RAP1GAP2: variants seen among roughly 807,000 people sequenced by gnomAD.
RAP1GAP2 encodes RAP1 GTPase activating protein 2.
A neutral mutation model predicts 95.0 loss-of-function variants in RAP1GAP2; 27 were observed. That is an observed-to-expected ratio of 0.28 (90% CI 0.21 to 0.39). The LOEUF (loss-of-function observed/expected upper bound fraction) is 0.39, where lower values mean the gene tolerates loss of function less well. Ranked by LOEUF, RAP1GAP2 falls within the 10% of genes least tolerant of loss-of-function variation. RAP1GAP2 has a pLI of 1.00. For synonymous variants in RAP1GAP2, 373 were observed against 380.9 expected (o/e 0.98, Z 0.24); for missense variants, 771 against 970.0 (o/e 0.79, Z 2.72).
At chr17:2,800,994 C>T (rs2069269236) in intron 2 of RAP1GAP2, among the ~76,000 whole-genome samples, 1 of 151,146 alleles carries the variant, frequency 6.6e-6, no homozygotes, top group Non-Finnish European at 1.5e-5. Flanking sequence ...GGATTACAGG[C>T]GCCCACCACC....
chr17:2,879,239 C>CTT (rs2073202157), intron 2 of RAP1GAP2, among the ~76,000 whole-genome samples: 7 of 152,018 alleles, frequency 4.6e-5, no homozygotes, highest in African/African-American at 1.7e-4. Context: ...CCTCGGCCTC[C>CTT]CAAGTATCTA....
intron 14 of RAP1GAP2, among the ~76,000 whole-genome samples, chr17:2,999,005 C>T (rs1349048326): frequency 2.0e-5 from 3 of 152,074 alleles, no homozygotes; most frequent in African/African-American, 7.2e-5. Context: ...TGGGTAAGGC[C>T]CTGGCCTGGC....
intron 3 of RAP1GAP2, among the ~76,000 whole-genome samples, chr17:2,955,517 C>T (rs148078800): frequency 7.9e-5 from 12 of 152,262 alleles, no homozygotes; most frequent in Non-Finnish European, 1.6e-4. Flanking sequence ...TGTAGAGACA[C>T]GTCCTTTATC....
chr17:2,915,212 A>C (rs1342429092), intron 3 of RAP1GAP2, among the ~76,000 whole-genome samples: 4 of 152,006 alleles, frequency 2.6e-5, no homozygotes, highest in Non-Finnish European at 5.9e-5. Context: ...TTGAGCCACC[A>C]TTTCTGGCCC....
At chr17:2,869,117 C>T (rs928922737) in intron 2 of RAP1GAP2, among the ~76,000 whole-genome samples, 9 of 152,130 alleles carry the variant, frequency 5.9e-5, no homozygotes, top group Admixed American at 2.0e-4. Context: ...AATCACCTCC[C>T]AAAGGCCCCT....
intron 2 of RAP1GAP2, among the ~76,000 whole-genome samples, chr17:2,847,915 T>C (rs190138062): frequency 1.3e-5 from 2 of 152,352 alleles, no homozygotes. Context: ...TTTTGAATTT[T>C]TTCACTGTGG....
chr17:2,945,024 C>T (rs1341408194), intron 3 of RAP1GAP2, among the ~76,000 whole-genome samples: 1 of 152,100 alleles, frequency 6.6e-6, no homozygotes, highest in Admixed American at 6.5e-5. Flanking sequence ...CAGGCGCCCG[C>T]CACCACGCCC....
At chr17:2,948,577 G>C (rs1160737992) in intron 3 of RAP1GAP2, among the ~76,000 whole-genome samples, 1 of 145,590 alleles carries the variant, frequency 6.9e-6, no homozygotes, top group Non-Finnish European at 1.5e-5. Flanking sequence ...TCCTGGACTC[G>C]GGTGCAACAA....
At chr17:2,839,809 T>C (rs1365466706) in intron 2 of RAP1GAP2, among the ~76,000 whole-genome samples, 1 of 152,028 alleles carries the variant, frequency 6.6e-6, no homozygotes, top group South Asian at 2.1e-4. Flanking sequence ...CTTTTTTTAA[T>C]TTTTTTTGAG....
chr17:2,963,254 G>C lies in RAP1GAP2; in HGVS notation c.247-176G>C. ...GTTTATGTTTGGGTTCTGTCAGTTT[G>C]GAGAAGAACATGGGGGATGTTAGAT... On this transcript the variant is annotated intron_variant, in intron 5 of 24. Coordinates refer to ENST00000254695, the MANE Select transcript of RAP1GAP2 (RefSeq NM_015085.5). The surrounding 1 kb of genome is among the most constrained non-coding windows in gnomAD (Gnocchi z 4.8). The C allele has an allele frequency of 1.4e-6, 1 of 740,628 alleles. No homozygotes were observed. The highest frequency in any genetic ancestry group is 2.6e-5 in the East Asian group (1 of 38,512). The allele number at this position is 740,628 out of a possible 1,614,324, so 45.9% of individuals were successfully genotyped here. A position where few individuals can be genotyped will look rare whatever the true frequency, so the allele number is the denominator to read the frequency against.
intron 2 of RAP1GAP2, among the ~76,000 whole-genome samples, chr17:2,873,098 G>A (rs1417223774): frequency 2.0e-5 from 3 of 146,442 alleles, no homozygotes; most frequent in African/African-American, 7.6e-5. Context: ...CTGAGACTTT[G>A]TCTGAAAAAA....
At position 2,825,657 on chromosome 17, in the gene RAP1GAP2, T is replaced by A. The variant is rs1194391709; in HGVS notation, c.80+25107T>A. On this transcript the variant is annotated intron_variant, in intron 2 of 24. Transcript: ENST00000254695. This position sits in a 1 kb window ranked among gnomAD's most constrained non-coding sequence, Gnocchi z 4.1. ...GAGCGTCCCTGTCTCACAGGGATGT[T>A]TGAGGATGAAATGAGCTAACATAGG... Among the ~76,000 whole-genome samples the A allele has an allele frequency of 6.6e-6, 1 of 151,998 alleles. No homozygotes were observed. Among genetic ancestry groups the A allele is most frequent in the Non-Finnish European group, 1.5e-5 (1 of 68,010 alleles).
intron 2 of RAP1GAP2, chr17:2,853,997 T>A: frequency 1.0e-6 from 1 of 984,408 alleles, no homozygotes; most frequent in Non-Finnish European, 1.2e-6. Flanking sequence ...GGCCTCGCCA[T>A]GTCCCAGCCC....
chr17:2,938,044 G>A (rs1339685938), intron 3 of RAP1GAP2, among the ~76,000 whole-genome samples: 1 of 152,182 alleles, frequency 6.6e-6, no homozygotes, highest in Non-Finnish European at 1.5e-5. Context: ...GGCAGGAGCA[G>A]GGAGCGAGCA....
In RAP1GAP2 at chr17:2,869,837, G is replaced by A. The variant is rs1336455679; in HGVS notation, c.81-35447G>A. Among the ~76,000 whole-genome samples the A allele has an allele frequency of 3.3e-5, 5 of 152,200 alleles. No homozygotes were observed. In the South Asian group the frequency reaches 6.2e-4, roughly 19 times the overall value. ...CAGCCGTCAGCCAGCACCCTGTGGC[G>A]CTCTCCTAGGAGGCTGATCTGGTGA... On this transcript the variant is annotated intron_variant, in intron 2 of 24. Transcript: ENST00000254695.
rs907011043 is a variant in RAP1GAP2, at chr17:2,927,333, T to C, written c.165+21965T>C. 6.0e-5 allele frequency among the ~76,000 whole-genome samples: 9 copies of C among 151,208 alleles called. 1 individual carries two copies. Among genetic ancestry groups the C allele is most frequent in the Admixed American group, 5.3e-4 (8 of 15,196 alleles). On this transcript the variant is annotated intron_variant, in intron 3 of 24. Coordinates refer to ENST00000254695, the MANE Select transcript of RAP1GAP2 (RefSeq NM_015085.5). ...CGCGCCCGGCTAATTTTTTGTATTT[T>C]TAGTAGAGACGGGGTTTCACCGTGT...
At position 2,768,966 on chromosome 17, in the gene RAP1GAP2, C is replaced by T. The variant is rs542113378; in HGVS notation, c.51-1363C>T. On this transcript the variant is annotated intron_variant, in intron 1 of 25. Transcript: ENST00000637138. ...CCATGGCTAGGCTCAGTGGTGCACT[C>T]CTGTAAACCCAGCACTTTGGGAGGC... Among the ~76,000 whole-genome samples, 27 of 151,108 alleles carry T rather than the reference C, an allele frequency of 1.8e-4. 2 individuals are homozygous for T. The East Asian group carries it at 3.5e-3, about 20-fold the overall frequency.
chr17:2,785,259 A>G (rs1257632617), intron 1 of RAP1GAP2, among the ~76,000 whole-genome samples: 2 of 152,124 alleles, frequency 1.3e-5, no homozygotes, highest in African/African-American at 4.8e-5. Context: ...GGAATGGCAG[A>G]AGGGCTCAAA....
rs1222394157 is a variant in RAP1GAP2, at chr17:2,822,635, T to TG, written c.80+22085_80+22086insG. Among the ~76,000 whole-genome samples the TG allele has an allele frequency of 8.7e-3, 1,165 of 134,062 alleles. 19 individuals are homozygous for TG. Among genetic ancestry groups the TG allele is most frequent in the African/African-American group, 0.031 (988 of 31,720 alleles). 87.9% of individuals were successfully genotyped at this position (134,062 alleles called of 152,430 possible). On this transcript the variant is annotated intron_variant, in intron 2 of 24. Transcript: ENST00000254695. ...AAACCCTGTTTTTTTTTGTTTTTTT[T>TG]TTTTTTTTTTTTTTTAAGAAAAGGT...
Sources: gnomAD v4.1 joint callset for allele counts (sites outside exome capture counted in the v4.1 genomes callset) on GRCh38, gnomAD v4.1.1 for gene constraint, Gnocchi (gnomAD v3.1) non-coding constraint, MANE v1.5 for transcripts, NCBI Gene and HGNC (gene_info 2026-07-23, HGNC 2026-07-21) for gene names.